LRRC4B: variants seen among roughly 807,000 people sequenced by gnomAD.
LRRC4B encodes the protein leucine rich repeat containing 4B, also known as leucine-rich repeat-containing protein 4B.
LRRC4B carries 1 observed loss-of-function variant against 7.3 expected under a neutral mutation model. The ratio of observed to expected loss-of-function variants is 0.14; its 90% CI spans 0.05 to 0.65. The LOEUF is 0.65. LRRC4B is among the 30% of genes least tolerant of loss of function. The pLI is 0.84. For synonymous variants in LRRC4B, 500 were observed against 499.2 expected, an observed-to-expected ratio of 1.00 and a Z score of -0.02; for missense variants, 730 against 1,041.6, an observed-to-expected ratio of 0.70 and a Z score of 4.12.
chr19:50,548,420 C>T lies in LRRC4B; in HGVS notation c.297+122G>A. On this transcript the variant is annotated intron_variant, in intron 2 of 2. Coordinates refer to ENST00000652263, the MANE Select transcript of LRRC4B (RefSeq NM_001080457.2). The surrounding 1 kb of genome is among the most constrained non-coding windows in gnomAD (Gnocchi z 6.8). ...TGATAGGATGCAGACCCGCAGGCCA[C>T]ATCCACAGGTGCCGGAGACGGGGAA... 1.5e-6 allele frequency: 2 copies of T among 1,354,738 alleles called. No homozygotes were observed. The highest frequency in any genetic ancestry group is 2.0e-6 in the Non-Finnish European group (2 of 997,006). 83.9% of individuals were successfully genotyped at this position (1,354,738 alleles called of 1,614,324 possible).
At chr19:50,566,073 GGGA>G (rs759024019) in intron 1 of LRRC4B, among the ~76,000 whole-genome samples, 5 of 151,970 alleles carry the variant, frequency 3.3e-5, no homozygotes, top group East Asian at 1.9e-4. Flanking sequence ...AGGAGCCCCA[GGGA>G]GGAGGAGGAG....
At position 50,536,429 on chromosome 19, in the gene LRRC4B, G is replaced by A. The variant is rs537925661; in HGVS notation, c.297+12113C>T. Among the ~76,000 whole-genome samples, 106 of 152,278 alleles carry A rather than the reference G, an allele frequency of 7.0e-4. 1 individual carries two copies. Among genetic ancestry groups the A allele is most frequent in the Non-Finnish European group, 8.2e-4 (56 of 68,032 alleles). ...ATTACAGGCGTGAGCCACTGTGCCC[G>A]GATGAGACTTGCCGACTTTCTGAAC... On this transcript the variant is annotated intron_variant, in intron 2 of 2. Transcript: ENST00000652263.
In LRRC4B at chr19:50,563,982, G is replaced by A. The variant is rs925141677; in HGVS notation, c.-36+3962C>T. Among the ~76,000 whole-genome samples, 4 of 152,160 alleles carry A rather than the reference G, an allele frequency of 2.6e-5. No individual in the cohort carries two copies. Among genetic ancestry groups the A allele is most frequent in the African/African-American group, 9.7e-5 (4 of 41,430 alleles). ...AAACTGATGGGGGGATGAAGGAGGA[G>A]GGGCAGAGAGAGGACCCGGCAAGGG... On this transcript the variant is annotated intron_variant, in intron 1 of 2. Coordinates refer to ENST00000652263, the MANE Select transcript of LRRC4B (RefSeq NM_001080457.2). The surrounding 1 kb of genome is among the most constrained non-coding windows in gnomAD (Gnocchi z 4.9).
Position 50,550,599 on chromosome 19 carries a change from G to A in LRRC4B, c.-35-1726C>T, listed in dbSNP as rs747238516. Among the ~76,000 whole-genome samples the A allele has an allele frequency of 3.9e-5, 6 of 152,158 alleles. No homozygotes were observed. In the East Asian group the frequency reaches 7.7e-4, roughly 20 times the overall value. ...CCCAGATAAAAATGTGTGTGCATAC[G>A]TCTGTGTATCTGAGTGCATGTGTGA... On this transcript the variant is annotated intron_variant, in intron 1 of 2. Transcript: ENST00000652263.
Position 50,517,629 on chromosome 19 carries a change from T to C in LRRC4B, c.2084A>G (p.His695Arg), listed in dbSNP as rs1980332540. 3 of 1,484,684 alleles carry C rather than the reference T, an allele frequency of 2.0e-6. No individual in the cohort carries two copies. Among genetic ancestry groups the C allele is most frequent in the Non-Finnish European group, 2.7e-6 (3 of 1,120,260 alleles). 92.0% of individuals were successfully genotyped at this position (1,484,684 alleles called of 1,614,324 possible). ...GCCGCTCTTGAAGAGCAGAGGTTCG[T>C]GGATGGAGTTGAGGCCAGGCGGGCC... ...GKGPPGLNSI[H>R]EPLLFKSGSK... The change falls in exon 3 of 3, where the codon CAC becomes CGC. Residue 695 changes from histidine (H) to arginine (R), a missense_variant. Coordinates refer to ENST00000652263, the MANE Select transcript of LRRC4B (RefSeq NM_001080457.2). The surrounding 1 kb of genome is among the most constrained non-coding windows in gnomAD (Gnocchi z 6.6).
intron 2 of LRRC4B, among the ~76,000 whole-genome samples, chr19:50,528,874 G>C (rs1252640119): frequency 6.6e-6 from 1 of 152,162 alleles, no homozygotes; most frequent in Non-Finnish European, 1.5e-5. Flanking sequence ...GCCTCTGCAG[G>C]TGCGGGTCCT....
chr19:50,557,702 G>T (rs1054841592), intron 1 of LRRC4B: 1 of 152,132 alleles, frequency 6.6e-6, no homozygotes, highest in Admixed American at 6.6e-5. Flanking sequence ...AGGGCTGGGT[G>T]GGGGGTGGTG....
intron 1 of LRRC4B, among the ~76,000 whole-genome samples, chr19:50,565,106 T>G (rs753506855): frequency 6.6e-6 from 1 of 152,132 alleles, no homozygotes; most frequent in Non-Finnish European, 1.5e-5. Flanking sequence ...TGAGTGGGAT[T>G]AAGGGTGACT....
At chr19:50,528,189 C>A (rs1164963736) in intron 2 of LRRC4B, among the ~76,000 whole-genome samples, 1 of 152,000 alleles carries the variant, frequency 6.6e-6, no homozygotes, top group Non-Finnish European at 1.5e-5. Context: ...ACTAAAGGCA[C>A]ACACCACCAT....
At chr19:50,543,992 G>T (rs1470608015) in intron 2 of LRRC4B, among the ~76,000 whole-genome samples, 1 of 149,386 alleles carries the variant, frequency 6.7e-6, no homozygotes, top group Non-Finnish European at 1.5e-5. Flanking sequence ...GATCATCTGA[G>T]GTCAGGAGTT....
Position 50,530,591 on chromosome 19 carries a change from G to A in LRRC4B, c.298-11176C>T, listed in dbSNP as rs113110757. 5.7e-3 allele frequency among the ~76,000 whole-genome samples: 870 copies of A among 152,310 alleles called. 8 individuals are homozygous for A. The highest frequency in any genetic ancestry group is 0.02 in the African/African-American group (832 of 41,570). On this transcript the variant is annotated intron_variant, in intron 2 of 2. Transcript: ENST00000652263. ...GGTGCAGAGGTGGAGAGGGGCCGTT[G>A]TCTGTGAAAGGACCTCACAACGTCA...
intron 1 of LRRC4B, among the ~76,000 whole-genome samples, chr19:50,557,069 G>C (rs138794991): frequency 7.6e-4 from 115 of 152,280 alleles, no homozygotes; most frequent in African/African-American, 2.6e-3. Context: ...CCAGGGAGGA[G>C]CTGCGCCAGG....
intron 1 of LRRC4B, among the ~76,000 whole-genome samples, chr19:50,549,351 C>T (rs1383828694): frequency 6.6e-6 from 1 of 152,194 alleles, no homozygotes; most frequent in Non-Finnish European, 1.5e-5. Context: ...CCGCCCGGTC[C>T]CCTTGCCACC....
intron 1 of LRRC4B, among the ~76,000 whole-genome samples, chr19:50,565,065 G>A (rs1281735872): frequency 2.6e-5 from 4 of 152,180 alleles, no homozygotes; most frequent in Admixed American, 1.3e-4. Context: ...GAGGAGCCCC[G>A]TGGCGAGAGG....
intron 2 of LRRC4B, among the ~76,000 whole-genome samples, chr19:50,538,713 T>C (rs1981406333): frequency 6.6e-6 from 1 of 151,698 alleles, no homozygotes; most frequent in African/African-American, 2.4e-5. Flanking sequence ...GGACTACAGG[T>C]GCGTGCCACC....
chr19:50,520,929 G>A (rs943277090), intron 2 of LRRC4B, among the ~76,000 whole-genome samples: 2 of 152,192 alleles, frequency 1.3e-5, no homozygotes, highest in African/African-American at 4.8e-5. Context: ...TCCACGCAAC[G>A]GCTTCTATGT....
At chr19:50,552,220 C>T (rs139535436) in intron 1 of LRRC4B, among the ~76,000 whole-genome samples, 124 of 150,320 alleles carry the variant, frequency 8.2e-4, no homozygotes, top group African/African-American at 2.9e-3. Context: ...CTTCACACCC[C>T]CCACTGGGTC....
In LRRC4B at chr19:50,566,572, G is replaced by C. The variant is rs1249648838; in HGVS notation, c.-36+1372C>G. On this transcript the variant is annotated intron_variant, in intron 1 of 2. Transcript: ENST00000652263. ...GGAGATGGGGGTGCAGAGAGGAGGC[G>C]AAGGGGTGGAGGGGTGGGCAAGAGG... Among the ~76,000 whole-genome samples, 6 of 129,098 alleles carry C rather than the reference G, an allele frequency of 4.6e-5. 1 individual carries two copies. Among genetic ancestry groups the C allele is most frequent in the African/African-American group, 1.6e-4 (6 of 38,248 alleles). The allele number at this position is 129,098 out of a possible 152,430, so 84.7% of individuals were successfully genotyped here.
intron 2 of LRRC4B, among the ~76,000 whole-genome samples, chr19:50,540,102 C>T (rs1460364473): frequency 6.6e-6 from 1 of 152,012 alleles, no homozygotes; most frequent in Non-Finnish European, 1.5e-5. Context: ...CTCAGTATTA[C>T]GTTTTGAGCA....
Sources: gnomAD v4.1 joint callset for allele counts (sites outside exome capture counted in the v4.1 genomes callset) on GRCh38, gnomAD v4.1.1 for gene constraint, Gnocchi (gnomAD v3.1) non-coding constraint, MANE v1.5 for transcripts, NCBI Gene and HGNC (gene_info 2026-07-23, HGNC 2026-07-21) for gene names.